The following DPYSL3 variants were observed in gnomAD, a reference collection of about 807,000 sequenced individuals.
DPYSL3 encodes the protein dihydropyrimidinase like 3.
In DPYSL3, 16 loss-of-function variants were observed where a neutral mutation model predicts 66.1. That is an observed-to-expected ratio of 0.24 (90% CI 0.16 to 0.37). The LOEUF (loss-of-function observed/expected upper bound fraction) is 0.37, where lower values mean the gene tolerates loss of function less well. Among genes scored for constraint, DPYSL3 ranks in the 10% least tolerant of loss-of-function variants. The pLI is 1.00. For missense variants in DPYSL3, 738 were observed against 916.2 expected (o/e 0.81, Z 2.51); for synonymous variants, 338 against 345.1 (o/e 0.98, Z 0.23).
At chr5:147,426,593 T>G (rs1008541613) in intron 1 of DPYSL3, among the ~76,000 whole-genome samples, 2 of 152,114 alleles carry the variant, frequency 1.3e-5, no homozygotes, top group Non-Finnish European at 1.5e-5. Flanking sequence ...CAGGGAGACA[T>G]CATATGCAGG....
chr5:147,465,614 ACTAAGGGATTTAT>A (rs1752998776), intron 1 of DPYSL3, among the ~76,000 whole-genome samples: 1 of 152,006 alleles, frequency 6.6e-6, no homozygotes, highest in African/African-American at 2.4e-5. Flanking sequence ...GTCCCTTAAG[ACTAAGGGATTTAT>A]TACCCCGGGT....
intron 2 of DPYSL3, among the ~76,000 whole-genome samples, 170 bp downstream of exon 2, chr5:147,424,705 G>A (rs1051673238): frequency 2.6e-5 from 4 of 151,978 alleles, no homozygotes; most frequent in Admixed American, 6.6e-5. Context: ...TCCATGACCC[G>A]TAGAATGCTC....
chr5:147,399,294 T>C (rs868481982), intron 10 of DPYSL3, 42 bp from the exon 11 acceptor site: 2 of 1,586,890 alleles, frequency 1.3e-6, no homozygotes, highest in African/African-American at 1.4e-5. Flanking sequence ...TATAGCTACA[T>C]ATATATCAAT....
At chr5:147,458,966 A>T (rs1210327496) in intron 1 of DPYSL3, among the ~76,000 whole-genome samples, 1 of 150,506 alleles carries the variant, frequency 6.6e-6, no homozygotes, top group Non-Finnish European at 1.5e-5. Context: ...TACTCCTAAC[A>T]CTATTTTTAA....
chr5:147,432,560 C>T (rs1424826731), intron 1 of DPYSL3, among the ~76,000 whole-genome samples: 2 of 152,154 alleles, frequency 1.3e-5, no homozygotes, highest in African/African-American at 4.8e-5. Flanking sequence ...AACAGCGTTC[C>T]AGACACAGAT....
At chr5:147,447,470 G>T (rs1752648465) in intron 1 of DPYSL3, among the ~76,000 whole-genome samples, 1 of 152,198 alleles carries the variant, frequency 6.6e-6, no homozygotes, top group Non-Finnish European at 1.5e-5. Context: ...GTTTTCCAAG[G>T]TCTTTCTTAT....
At chr5:147,395,949 G>A (rs553524984) in intron 12 of DPYSL3, among the ~76,000 whole-genome samples, 1 of 152,100 alleles carries the variant, frequency 6.6e-6, no homozygotes, top group Non-Finnish European at 1.5e-5. Context: ...GATGAGCTTC[G>A]ATCAGAAGGA....
At chr5:147,491,288 T>C (rs1753410928) in intron 1 of DPYSL3, among the ~76,000 whole-genome samples, 2 of 152,122 alleles carry the variant, frequency 1.3e-5, no homozygotes, top group Admixed American at 6.5e-5. Flanking sequence ...ATCATAGGAC[T>C]GTAAAACCCT....
At chr5:147,402,151 C>T (rs1034953487) in intron 8 of DPYSL3, among the ~76,000 whole-genome samples, 4 of 152,096 alleles carry the variant, frequency 2.6e-5, no homozygotes, top group East Asian at 1.9e-4. Context: ...ATATGGCATA[C>T]GTGAAGCATC....
chr5:147,449,277 A>G (rs1028488820), intron 1 of DPYSL3, among the ~76,000 whole-genome samples: 2 of 152,198 alleles, frequency 1.3e-5, no homozygotes, highest in African/African-American at 4.8e-5. Flanking sequence ...AGTGGCACCT[A>G]CTACACTCAC....
At chr5:147,447,449 G>T in intron 1 of DPYSL3, among the ~76,000 whole-genome samples, 1 of 152,272 alleles carries the variant, frequency 6.6e-6, no homozygotes, top group East Asian at 1.9e-4. Context: ...TACAGGAGTC[G>T]ATTTCTCTGG....
intron 1 of DPYSL3, among the ~76,000 whole-genome samples, chr5:147,455,405 G>A (rs1752829383): frequency 6.6e-6 from 1 of 152,138 alleles, no homozygotes; most frequent in African/African-American, 2.4e-5. Flanking sequence ...ACTCTGCAAA[G>A]GAGGATGAAT....
intron 8 of DPYSL3, among the ~76,000 whole-genome samples, chr5:147,404,238 G>T (rs1484526612): frequency 1.3e-5 from 2 of 152,184 alleles, no homozygotes; most frequent in African/African-American, 2.4e-5. Context: ...ACTTCTAAAA[G>T]CTAAGGAGAA....
At chr5:147,457,063 A>T (rs1228396343) in intron 1 of DPYSL3, among the ~76,000 whole-genome samples, 1 of 152,196 alleles carries the variant, frequency 6.6e-6, no homozygotes. Flanking sequence ...TTCTCAAAAT[A>T]TTCACACAAT....
At chr5:147,454,875 G>A (rs1453505292) in intron 1 of DPYSL3, among the ~76,000 whole-genome samples, 1 of 152,196 alleles carries the variant, frequency 6.6e-6, no homozygotes, top group Non-Finnish European at 1.5e-5. Flanking sequence ...GGGTCTGAGT[G>A]GTGGCTGGGG....
rs1581166496 is a variant in DPYSL3, at chr5:147,392,972, C to G, written c.*1063G>C. 1 of 152,208 alleles carries G rather than the reference C, an allele frequency of 6.6e-6. No individual in the cohort carries two copies. Among genetic ancestry groups the G allele is most frequent in the Admixed American group, 6.5e-5 (1 of 15,276 alleles). 9.4% of individuals were successfully genotyped at this position (152,208 alleles called of 1,614,324 possible). On this transcript the variant is annotated 3_prime_UTR_variant, in exon 14 of 14. Transcript: ENST00000343218. ...TAATAAAACCAACTTTCAAAAACTC[C>G]TATTTATCATGGATGTGCCAGGATC...
chr5:147,494,013 T>A (rs1753459325), intron 1 of DPYSL3, among the ~76,000 whole-genome samples: 1 of 152,012 alleles, frequency 6.6e-6, no homozygotes, highest in African/African-American at 2.4e-5. Flanking sequence ...GCCAACATGG[T>A]GAAACCCCAT....
chr5:147,421,080 T>G (rs1180434759), intron 2 of DPYSL3, among the ~76,000 whole-genome samples: 4 of 152,240 alleles, frequency 2.6e-5, no homozygotes, highest in Admixed American at 6.5e-5. Flanking sequence ...AAATAGTCTC[T>G]GTTTGCAGAT....
intron 1 of DPYSL3, among the ~76,000 whole-genome samples, chr5:147,494,528 A>T (rs865806202): frequency 6.6e-6 from 1 of 151,982 alleles, no homozygotes; most frequent in South Asian, 2.1e-4. Context: ...CTAATATCAG[A>T]AATGAAATAG....
Sources: gnomAD v4.1 joint callset for allele counts (sites outside exome capture counted in the v4.1 genomes callset) on GRCh38, gnomAD v4.1.1 for gene constraint, MANE v1.5 for transcripts, NCBI Gene and HGNC (gene_info 2026-07-23, HGNC 2026-07-21) for gene names.